The following DNAH3 variants were observed in gnomAD, a reference collection of about 807,000 sequenced individuals.
DNAH3 encodes the protein axonemal beta dynein heavy chain 3.
A neutral mutation model predicts 432.5 loss-of-function variants in DNAH3; 332 were observed. The observed-to-expected ratio is 0.77, with a 90% CI of 0.70 to 0.84. The LOEUF (loss-of-function observed/expected upper bound fraction) is 0.84. Ranked by LOEUF, DNAH3 falls within the 40% of genes least tolerant of loss-of-function variation. The pLI is 0.00. For synonymous variants in DNAH3, 1,956 were observed against 1,900.2 expected (o/e 1.03, Z -0.76); for missense variants, 4,861 against 5,114.0 (o/e 0.95, Z 1.51).
intron 19 of DNAH3, among the ~76,000 whole-genome samples, chr16:21,082,784 C>G (rs1159655168): frequency 6.6e-6 from 1 of 150,604 alleles, no homozygotes; most frequent in East Asian, 2.0e-4. Flanking sequence ...GCCGAGATCG[C>G]ACCACTGCAC....
At chr16:20,955,929 T>A (rs2152599536) in intron 54 of DNAH3, among the ~76,000 whole-genome samples, 1 of 152,092 alleles carries the variant, frequency 6.6e-6, no homozygotes, top group South Asian at 2.1e-4. Context: ...CTTATTTTAT[T>A]TTTATTTTCA....
chr16:21,128,547 T>C (rs975259771), intron 7 of DNAH3, among the ~76,000 whole-genome samples: 13 of 151,376 alleles, frequency 8.6e-5, no homozygotes, highest in Non-Finnish European at 1.2e-4. Context: ...ACAAAAAAAT[T>C]AGCCGGGTGT....
intron 58 of DNAH3, among the ~76,000 whole-genome samples, chr16:20,942,069 TA>T (rs66695399): frequency 4.7e-3 from 586 of 124,994 alleles, no homozygotes; most frequent in Admixed American, 5.3e-3. Context: ...GTCTAAAAGT[TA>T]AAAAAAAAAA....
At chr16:21,155,141 G>A (rs1003240703) in intron 1 of DNAH3, among the ~76,000 whole-genome samples, 1 of 151,326 alleles carries the variant, frequency 6.6e-6, no homozygotes, top group Non-Finnish European at 1.5e-5. Context: ...GTAGAGATGG[G>A]GTTTTGCCAT....
intron 44 of DNAH3, among the ~76,000 whole-genome samples, chr16:20,989,663 G>C (rs921286590): frequency 6.6e-6 from 1 of 152,266 alleles, no homozygotes; most frequent in African/African-American, 2.4e-5. Flanking sequence ...CCTTTGGGTG[G>C]TCGATGGGAC....
chr16:20,959,568 G>A (rs1376314802), intron 53 of DNAH3, among the ~76,000 whole-genome samples, 164 bp from the exon 54 acceptor site: 1 of 151,540 alleles, frequency 6.6e-6, no homozygotes, highest in Admixed American at 6.6e-5. Context: ...TCAGGAGTTG[G>A]AGACCAGCCT....
At chr16:20,977,339 T>C (rs2085641478) in intron 50 of DNAH3, among the ~76,000 whole-genome samples, 1 of 152,140 alleles carries the variant, frequency 6.6e-6, no homozygotes, top group Non-Finnish European at 1.5e-5. Flanking sequence ...ATTGCACCAC[T>C]GCACTCCAGC....
intron 41 of DNAH3, among the ~76,000 whole-genome samples, chr16:21,016,434 T>C (rs2087860348): frequency 6.6e-6 from 1 of 152,136 alleles, no homozygotes; most frequent in African/African-American, 2.4e-5. Flanking sequence ...TTATTGTATA[T>C]TTTTTTCTTA....
Position 21,093,070 on chromosome 16 carries a change from A to G in DNAH3, c.2665+4285T>C, listed in dbSNP as rs192513191. Reference sequence around the variant, plus strand: ...ATTTAAAAACAATAACAACAACAATAGCCAACAACAGATACCACTACACAC... The same window carrying G: ...ATTTAAAAACAATAACAACAACAATGGCCAACAACAGATACCACTACACAC... On this transcript the variant is annotated intron_variant, in intron 18 of 61. Transcript: ENST00000261383. Among the ~76,000 whole-genome samples the G allele has an allele frequency of 1.2e-4, 19 of 152,286 alleles. No individual in the cohort carries two copies. The East Asian group carries it at 3.5e-3, about 28-fold the overall frequency.
Position 21,117,441 on chromosome 16 carries a change from C to G in DNAH3, c.1700-124G>C, listed in dbSNP as rs954545116. 8 of 702,742 alleles carry G rather than the reference C, an allele frequency of 1.1e-5. No homozygotes were observed. The African/African-American group carries it at 1.5e-4, about 13-fold the overall frequency. 43.5% of individuals were successfully genotyped at this position (702,742 alleles called of 1,614,324 possible). A position where few individuals can be genotyped will look rare whatever the true frequency, so the allele number is the denominator to read the frequency against. On this transcript the variant is annotated intron_variant, in intron 11 of 61. Transcript: ENST00000261383. ...ATGCACTCATTTCCAGGGCTGCCAGCTGCATTTTTACTCTATTTCCTCTTA... is the reference window on the plus strand; with the variant it reads ...ATGCACTCATTTCCAGGGCTGCCAGGTGCATTTTTACTCTATTTCCTCTTA...
intron 24 of DNAH3, among the ~76,000 whole-genome samples, chr16:21,066,708 A>T (rs2090563105): frequency 6.6e-6 from 1 of 152,172 alleles, no homozygotes. Context: ...TATGCAGAAG[A>T]TTGGTTCTTG....
At chr16:20,967,493 T>C (rs34002165) in intron 52 of DNAH3, among the ~76,000 whole-genome samples, 2 of 50,940 alleles carry the variant, frequency 3.9e-5, no homozygotes, top group East Asian at 4.4e-4. Flanking sequence ...AGACTTCTGC[T>C]TTTTTTTTTT....
chr16:20,985,048 C>T lies in DNAH3; in HGVS notation c.7665+29G>A. On this transcript the variant is annotated intron_variant, in intron 48 of 61. Coordinates refer to ENST00000261383, the Ensembl canonical transcript of DNAH3. ...GGCAAATGGAGTTTTCTTCTTCTTA[C>T]CGAGGACAATGTGAAGGTTCTTTCT... is the stretch of plus-strand genomic sequence containing the variant. The T allele has an allele frequency of 6.3e-7, 1 of 1,592,180 alleles. No homozygotes were observed.
intron 16 of DNAH3, among the ~76,000 whole-genome samples, chr16:21,102,341 C>G (rs752254895): frequency 2.6e-5 from 4 of 152,250 alleles, no homozygotes; most frequent in Non-Finnish European, 4.4e-5. Flanking sequence ...ACTTCAACAG[C>G]ATTTACTGTC....
At chr16:21,152,797 G>A (rs1157454445) in intron 1 of DNAH3, among the ~76,000 whole-genome samples, 4 of 152,252 alleles carry the variant, frequency 2.6e-5, no homozygotes, top group Non-Finnish European at 5.9e-5. Flanking sequence ...CACCGGCGCT[G>A]CGCTCCATTT....
intron 1 of DNAH3, among the ~76,000 whole-genome samples, chr16:21,151,316 T>C (rs1051513869): frequency 2.3e-4 from 29 of 125,630 alleles, no homozygotes; most frequent in Middle Eastern, 4.5e-3. Flanking sequence ...TCCCAGTTTT[T>C]CCCCGTTTTT....
At chr16:21,011,656 AG>A (rs140804509) in intron 41 of DNAH3, among the ~76,000 whole-genome samples, 1,593 of 152,276 alleles carry the variant, frequency 0.01, 28 homozygotes, top group African/African-American at 0.036. Context: ...CCACCGTGCC[AG>A]GCTGAAACTT....
chr16:21,104,633 G>T, intron 15 of DNAH3, 39 bp from the exon 16 acceptor site: 1 of 1,259,720 alleles, frequency 7.9e-7, no homozygotes, highest in Non-Finnish European at 1.2e-6. Flanking sequence ...ACACTGTTTA[G>T]CATAGGTCGG....
intron 7 of DNAH3, among the ~76,000 whole-genome samples, chr16:21,128,311 G>A (rs2092482017): frequency 6.6e-6 from 1 of 152,046 alleles, no homozygotes; most frequent in Admixed American, 6.6e-5. Flanking sequence ...GCACTTTGGA[G>A]GCTAAGGAGA....
Sources: gnomAD v4.1 joint callset for allele counts (sites outside exome capture counted in the v4.1 genomes callset) on GRCh38, gnomAD v4.1.1 for gene constraint, MANE v1.5 for transcripts, NCBI Gene and HGNC (gene_info 2026-07-23, HGNC 2026-07-21) for gene names.